Variants in LRRC39 observed in about 807,000 individuals in gnomAD.
LRRC39 encodes the protein leucine rich repeat containing 39.
A neutral mutation model predicts 39.7 loss-of-function variants in LRRC39; 35 were observed. The ratio of observed to expected loss-of-function variants is 0.88; its 90% CI spans 0.67 to 1.17. The LOEUF (loss-of-function observed/expected upper bound fraction) is 1.17. Among genes scored for constraint, LRRC39 ranks in the 50% most tolerant of loss-of-function variants. The pLI is 0.00. For synonymous variants in LRRC39, 113 were observed against 134.1 expected (o/e 0.84, Z 1.09); for missense variants, 357 against 385.8 (o/e 0.93, Z 0.62).
intron 1 of LRRC39, among the ~76,000 whole-genome samples, 185 bp downstream of exon 1, chr1:100,177,950 C>T (rs2101804799): frequency 6.6e-6 from 1 of 152,264 alleles, no homozygotes; most frequent in African/African-American, 2.4e-5. Context: ...AATCTATCTT[C>T]CAGAGGAGCA....
intron 3 of LRRC39, among the ~76,000 whole-genome samples, chr1:100,161,748 G>A (rs1043960509): frequency 2.3e-4 from 35 of 152,186 alleles, no homozygotes; most frequent in African/African-American, 8.2e-4. Flanking sequence ...CCAGGCACAG[G>A]TGATCTTCCC....
At chr1:100,178,079 G>A (rs1660076551) in intron 1 of LRRC39, 56 bp downstream of exon 1, 1 of 152,184 alleles carries the variant, frequency 6.6e-6, no homozygotes, top group Non-Finnish European at 1.5e-5. Context: ...CTATTTACAT[G>A]TGAAGAAGAA....
chr1:100,152,948 A>G (rs1658164154), intron 8 of LRRC39, among the ~76,000 whole-genome samples: 2 of 152,184 alleles, frequency 1.3e-5, no homozygotes, highest in African/African-American at 4.8e-5. Context: ...GCTGGTCTCA[A>G]ACTCCTGGCC....
chr1:100,156,396 A>G, intron 6 of LRRC39, 79 bp from the exon 7 acceptor site: 1 of 1,321,302 alleles, frequency 7.6e-7, no homozygotes. Context: ...TAAAGGAGAT[A>G]TTTCACATCC....
chr1:100,179,100 T>C (rs938612291), upstream of LRRC39, among the ~76,000 whole-genome samples: 2 of 152,194 alleles, frequency 1.3e-5, no homozygotes, highest in African/African-American at 4.8e-5. Flanking sequence ...TAGAGCAGCG[T>C]CATTCTTTTT....
intron 8 of LRRC39, among the ~76,000 whole-genome samples, chr1:100,154,610 A>G (rs1402289931): frequency 1.3e-5 from 2 of 152,228 alleles, no homozygotes; most frequent in African/African-American, 4.8e-5. Context: ...AAACAAATTC[A>G]ATGAAGAATG....
Position 100,149,026 on chromosome 1 carries a change from G to T in LRRC39, c.*16C>A. On this transcript the variant is annotated 3_prime_UTR_variant, in exon 10 of 10. Coordinates refer to ENST00000370137, the MANE Select transcript of LRRC39 (RefSeq NM_144620.4). ...TCACCAAAGTAATCCTCTTTAGAAG[G>T]GCATCTTGAATTATATTATCCATCC... 6.4e-7 allele frequency: 1 copy of T among 1,556,660 alleles called. No homozygotes were observed. The highest frequency in any genetic ancestry group is 1.3e-5 in the South Asian group (1 of 79,734).
At chr1:100,153,231 T>TA (rs1308348094) in intron 8 of LRRC39, among the ~76,000 whole-genome samples, 1 of 152,120 alleles carries the variant, frequency 6.6e-6, no homozygotes, top group African/African-American at 2.4e-5. Flanking sequence ...AAGTTTTGGG[T>TA]TTTAGTGGGT....
At chr1:100,168,191 A>T (rs13374809) in intron 3 of LRRC39, among the ~76,000 whole-genome samples, 3,959 of 152,262 alleles carry the variant, frequency 0.026, 187 homozygotes, top group African/African-American at 0.092. Context: ...TGAGGGTATA[A>T]GATAGCTACC....
At chr1:100,163,211 A>G (rs1016164751) in intron 3 of LRRC39, among the ~76,000 whole-genome samples, 4 of 152,380 alleles carry the variant, frequency 2.6e-5, no homozygotes, top group Admixed American at 2.6e-4. Flanking sequence ...GGTTATTATT[A>G]CTAAGACAGA....
intron 2 of LRRC39, among the ~76,000 whole-genome samples, chr1:100,169,234 A>G (rs1354586645): frequency 6.6e-6 from 1 of 152,120 alleles, no homozygotes; most frequent in African/African-American, 2.4e-5. Flanking sequence ...TTGATTCACA[A>G]TTATTTGAAT....
At chr1:100,172,732 G>A (rs536537239) in intron 2 of LRRC39, among the ~76,000 whole-genome samples, 8 of 152,092 alleles carry the variant, frequency 5.3e-5, no homozygotes, top group Non-Finnish European at 1.0e-4. Flanking sequence ...AGGCCGAGGC[G>A]GGGGGATCAC....
intron 8 of LRRC39, among the ~76,000 whole-genome samples, chr1:100,153,841 G>A (rs942699648): frequency 2.6e-5 from 4 of 151,832 alleles, no homozygotes; most frequent in African/African-American, 9.7e-5. Context: ...CTGCAACCTC[G>A]AACTCCTGGG....
At chr1:100,160,784 C>A (rs1357635979) in intron 3 of LRRC39, among the ~76,000 whole-genome samples, 1 of 151,960 alleles carries the variant, frequency 6.6e-6, no homozygotes, top group African/African-American at 2.4e-5. Context: ...ACCACCACAC[C>A]CGGCTAATTT....
intron 5 of LRRC39, among the ~76,000 whole-genome samples, chr1:100,158,741 C>A (rs1658658713): frequency 6.6e-6 from 1 of 152,228 alleles, no homozygotes; most frequent in East Asian, 1.9e-4. Flanking sequence ...CGGCCTACAG[C>A]ATAACTTACT....
Position 100,168,607 on chromosome 1 carries a change from G to A in LRRC39, c.-78-13C>T. On this transcript the variant is annotated splice_polypyrimidine_tract_variant and intron_variant, in intron 2 of 9. Transcript: ENST00000370137. ...TTTCAGAAAGGACCTAAATGTACCA[G>A]AGAAAAAAAGCAATGTTTCAGACTG... is the stretch of plus-strand genomic sequence containing the variant. 2 of 907,692 alleles carry A rather than the reference G, an allele frequency of 2.2e-6. No homozygotes were observed. Among genetic ancestry groups the A allele is most frequent in the African/African-American group, 1.7e-5 (1 of 59,024 alleles). The allele number at this position is 907,692 out of a possible 1,614,324, so 56.2% of individuals were successfully genotyped here. A position where few individuals can be genotyped will look rare whatever the true frequency, so the allele number is the denominator to read the frequency against.
intron 3 of LRRC39, among the ~76,000 whole-genome samples, chr1:100,162,528 A>G (rs1266529300): frequency 2.6e-5 from 4 of 152,086 alleles, no homozygotes; most frequent in Admixed American, 2.6e-4. Context: ...AGTCCCAGGT[A>G]CTAGGAAGGA....
chr1:100,172,959 C>CAAAA (rs35628050), intron 2 of LRRC39, among the ~76,000 whole-genome samples: 1 of 106,776 alleles, frequency 9.4e-6, no homozygotes, highest in Non-Finnish European at 2.0e-5. Context: ...GACTCTGTCT[C>CAAAA]AAAAAAAAAA....
chr1:100,153,301 G>A (rs890057515), intron 8 of LRRC39, among the ~76,000 whole-genome samples: 11 of 152,020 alleles, frequency 7.2e-5, no homozygotes, highest in East Asian at 3.9e-4. Flanking sequence ...TTGAGGGAGC[G>A]TTCAAGATGG....
Sources: allele counts gnomAD v4.1 joint callset (sites outside exome capture counted in the v4.1 genomes callset), GRCh38; gene constraint gnomAD v4.1.1; transcripts MANE v1.5; gene names NCBI Gene and HGNC (gene_info 2026-07-23, HGNC 2026-07-21).